The following FAAH2 variants were observed in gnomAD, a reference collection of about 807,000 sequenced individuals.
The protein encoded by FAAH2 is fatty-acid amide hydrolase 2.
A neutral mutation model predicts 36.9 loss-of-function variants in FAAH2; 60 were observed. The observed-to-expected ratio is 1.63, with a 90% CI of 1.32 to 2.02. FAAH2 has a LOEUF of 2.02. FAAH2 is among the 30% of genes most tolerant of loss of function. FAAH2 has a pLI of 0.00. For missense variants in FAAH2, 689 were observed against 397.5 expected, an observed-to-expected ratio of 1.73 and a Z score of -6.23; for synonymous variants, 214 against 143.8, an observed-to-expected ratio of 1.49 and a Z score of -3.49.
rs2719339 is a variant in FAAH2, at chrX:57,475,260, G to A, written c.1424-13497G>A. 8.0e-3 allele frequency among the ~76,000 whole-genome samples: 897 copies of A among 111,802 alleles called. 62 individuals carry two copies. In the South Asian group the frequency reaches 0.29, roughly 36 times the overall value. On this transcript the variant is annotated intron_variant, in intron 10 of 10. Coordinates refer to ENST00000374900, the MANE Select transcript of FAAH2 (RefSeq NM_174912.4). ...TTGCTCTTGGTGTTTTATTCATGAA[G>A]TATTTGCCCATGCCTATGTCCAGAA...
the FAAH2 span, among the ~76,000 whole-genome samples, chrX:57,264,379 A>G: frequency 8.9e-6 from 1 of 112,898 alleles, no homozygotes; most frequent in East Asian, 2.8e-4. Context: ...AAAGACATGA[A>G]CAGACACTTT....
At chrX:57,191,032 A>C in the FAAH2 span, among the ~76,000 whole-genome samples, 1 of 111,524 alleles carries the variant, frequency 9.0e-6, no homozygotes, top group Non-Finnish European at 1.9e-5. Flanking sequence ...TTTGTATGGT[A>C]ACCTATTTTT....
In FAAH2 at chrX:57,398,717, C is replaced by A. The variant is rs981689435; in HGVS notation, c.996+17688C>A. 3.6e-5 allele frequency among the ~76,000 whole-genome samples: 4 copies of A among 111,361 alleles called. No homozygotes were observed. The Admixed American group carries it at 3.8e-4, about 11-fold the overall frequency. ...TGATAGATGATTGGCTATTTCTTTA[C>A]CTCCTGTTTTAACCTAATTAGCATT... On this transcript the variant is annotated intron_variant, in intron 7 of 10. Coordinates refer to ENST00000374900, the MANE Select transcript of FAAH2 (RefSeq NM_174912.4).
At chrX:57,203,117 G>A in the FAAH2 span, among the ~76,000 whole-genome samples, 1 of 111,913 alleles carries the variant, frequency 8.9e-6, no homozygotes, top group Admixed American at 9.5e-5. Context: ...GAAATCAGGG[G>A]TCTCACAGCC....
At chrX:57,381,494 C>G (rs894975841) in intron 7 of FAAH2, 4 of 640,726 alleles carry the variant, frequency 6.2e-6, no homozygotes, top group African/African-American at 4.8e-5. Flanking sequence ...GGGAACAGAC[C>G]TACCAAATTT....
At chrX:57,442,099 G>A (rs969346223) in intron 8 of FAAH2, among the ~76,000 whole-genome samples, 1 of 111,522 alleles carries the variant, frequency 9.0e-6, no homozygotes, top group Non-Finnish European at 1.9e-5. Flanking sequence ...ATTTGGGGTG[G>A]AGAGTTCTGT....
the FAAH2 span, among the ~76,000 whole-genome samples, chrX:57,257,071 G>A: frequency 2.0e-4 from 23 of 112,244 alleles, no homozygotes; most frequent in East Asian, 6.1e-3. Context: ...TGGAAAAATA[G>A]GAATGCTTTT....
intron 1 of FAAH2, among the ~76,000 whole-genome samples, chrX:57,291,202 G>A (rs1201795862): frequency 9.0e-6 from 1 of 111,576 alleles, no homozygotes; most frequent in Non-Finnish European, 1.9e-5. Context: ...CTCTGAGGGA[G>A]CTATATTGTT....
chrX:57,458,491 C>CA (rs920457327), intron 10 of FAAH2, among the ~76,000 whole-genome samples: 32 of 106,622 alleles, frequency 3.0e-4, no homozygotes, highest in Non-Finnish European at 5.1e-4. Flanking sequence ...AGACTCCATC[C>CA]AAAAAAAAAC....
chrX:57,476,514 C>T (rs2057271627), intron 10 of FAAH2, among the ~76,000 whole-genome samples: 1 of 111,361 alleles, frequency 9.0e-6, no homozygotes, highest in South Asian at 3.8e-4. Context: ...ATTGAACCAG[C>T]CTTGCATCCC....
intron 10 of FAAH2, 148 bp downstream of exon 10, chrX:57,448,866 T>A (rs2056733211): frequency 7.4e-6 from 4 of 536,937 alleles, no homozygotes. Flanking sequence ...AGAAAACAGT[T>A]GCTAATGTCA....
chrX:57,236,447 C>A, the FAAH2 span, among the ~76,000 whole-genome samples: 2 of 112,340 alleles, frequency 1.8e-5, no homozygotes, highest in Non-Finnish European at 3.8e-5. Context: ...GGCTAGTCTA[C>A]AATCCTAGCA....
At chrX:57,304,807 A>T (rs180913470) in intron 2 of FAAH2, among the ~76,000 whole-genome samples, 2 of 111,889 alleles carry the variant, frequency 1.8e-5, no homozygotes, top group East Asian at 5.6e-4. Flanking sequence ...CATAATCATA[A>T]TGAAGCAGTT....
chrX:57,393,705 C>G, intron 7 of FAAH2: 3 of 1,018,494 alleles, frequency 2.9e-6, no homozygotes, highest in Non-Finnish European at 4.2e-6. Context: ...TCTCTCCTGT[C>G]TTCTAGAGAA....
chrX:57,220,712 C>T, the FAAH2 span, among the ~76,000 whole-genome samples: 1 of 112,194 alleles, frequency 8.9e-6, no homozygotes, highest in Non-Finnish European at 1.9e-5. Flanking sequence ...CCACCTGGCG[C>T]CTATTTCAAG....
At chrX:57,307,570 A>G in intron 2 of FAAH2, among the ~76,000 whole-genome samples, 1 of 111,834 alleles carries the variant, frequency 8.9e-6, no homozygotes, top group Non-Finnish European at 1.9e-5. Flanking sequence ...TTTTCATAGT[A>G]CATATTATTT....
the FAAH2 span, among the ~76,000 whole-genome samples, chrX:57,152,891 C>A: frequency 2.7e-5 from 3 of 109,111 alleles, no homozygotes; most frequent in African/African-American, 1.0e-4. Flanking sequence ...TGGAGCTGTT[C>A]CTATTTGGCC....
At chrX:57,146,154 A>G in the FAAH2 span, among the ~76,000 whole-genome samples, 1 of 110,312 alleles carries the variant, frequency 9.1e-6, no homozygotes, top group Non-Finnish European at 1.9e-5. Context: ...GGTTGCTTTT[A>G]ACAGTATGGT....
chrX:57,456,663 C>T (rs1239942748), intron 10 of FAAH2, among the ~76,000 whole-genome samples: 1 of 112,057 alleles, frequency 8.9e-6, no homozygotes, highest in Non-Finnish European at 1.9e-5. Context: ...ATACAGAACA[C>T]CTTTGTGAAC....
Sources: allele counts gnomAD v4.1 joint callset (sites outside exome capture counted in the v4.1 genomes callset), GRCh38; gene constraint gnomAD v4.1.1; transcripts MANE v1.5; gene names NCBI Gene and HGNC (gene_info 2026-07-23, HGNC 2026-07-21).